The following ANKRD18A variants were observed in gnomAD, a reference collection of about 807,000 sequenced individuals.
ANKRD18A encodes ankyrin repeat domain 18A.
In ANKRD18A, 72 loss-of-function variants were observed where a neutral mutation model predicts 110.6. The ratio of observed to expected loss-of-function variants is 0.65; its 90% CI spans 0.54 to 0.79. ANKRD18A has a LOEUF of 0.79. Ranked by LOEUF, ANKRD18A falls within the 30% of genes least tolerant of loss-of-function variation. The pLI is 0.00. For synonymous variants in ANKRD18A, 305 were observed against 410.3 expected (o/e 0.74, Z 3.10); for missense variants, 934 against 1,163.3 (o/e 0.80, Z 2.87).
At chr9:38,572,307 A>T in intron 15 of ANKRD18A, 1 of 317,754 alleles carries the variant, frequency 3.1e-6, no homozygotes, top group South Asian at 4.3e-5. Flanking sequence ...TACTAGAGCC[A>T]GCACTGGAAT....
At chr9:38,591,807 G>C (rs1373503893) in intron 10 of ANKRD18A, among the ~76,000 whole-genome samples, 4 of 152,192 alleles carry the variant, frequency 2.6e-5, no homozygotes, top group Non-Finnish European at 4.4e-5. Flanking sequence ...GGATTGAGTA[G>C]TACATAACCG....
chr9:38,584,265 A>G (rs1015810721), intron 12 of ANKRD18A, among the ~76,000 whole-genome samples: 2 of 152,220 alleles, frequency 1.3e-5, no homozygotes, highest in Non-Finnish European at 2.9e-5. Context: ...AATACCTGCT[A>G]CAGCACAGAT....
chr9:38,569,118 C>A (rs183535510), downstream of ANKRD18A: 4 of 985,384 alleles, frequency 4.1e-6, no homozygotes, highest in African/African-American at 7.0e-5. Context: ...GATGCAGGAA[C>A]CAAGTAGGGC....
At chr9:38,573,653 T>A (rs530374310) in intron 15 of ANKRD18A, among the ~76,000 whole-genome samples, 2 of 151,904 alleles carry the variant, frequency 1.3e-5, no homozygotes, top group South Asian at 4.2e-4. Flanking sequence ...AGGTGGAGGT[T>A]GCAGTGAGCC....
At position 38,571,373 on chromosome 9, in the gene ANKRD18A, A is replaced by G. The variant is rs1340402101; in HGVS notation, c.*672T>C. 6.6e-6 allele frequency: 5 copies of G among 759,222 alleles called. No individual in the cohort carries two copies. Among genetic ancestry groups the G allele is most frequent in the Non-Finnish European group, 9.3e-6 (5 of 540,162 alleles). 47.0% of individuals were successfully genotyped at this position (759,222 alleles called of 1,614,324 possible). A position where few individuals can be genotyped will look rare whatever the true frequency, so the allele number is the denominator to read the frequency against. On this transcript the variant is annotated 3_prime_UTR_variant, in exon 16 of 16. Transcript: ENST00000399703. ...AATCATGAGCTTTCCCTTCTCCTTT[A>G]TTTATTGGTTTTATTTCTCCATGTA...
chr9:38,607,077 G>T (rs1235248900), intron 6 of ANKRD18A, among the ~76,000 whole-genome samples: 1 of 152,094 alleles, frequency 6.6e-6, no homozygotes, highest in East Asian at 1.9e-4. Flanking sequence ...TTTCTTTGGA[G>T]ATAGAGTCTT....
At chr9:38,592,642 C>A (rs866352440) in intron 10 of ANKRD18A, among the ~76,000 whole-genome samples, 11 of 152,024 alleles carry the variant, frequency 7.2e-5, no homozygotes, top group South Asian at 4.1e-4. Context: ...ATGTTTGCAA[C>A]AGCTGTTTTC....
intron 3 of ANKRD18A, among the ~76,000 whole-genome samples, chr9:38,612,038 A>G (rs561310713): frequency 3.3e-5 from 5 of 152,152 alleles, no homozygotes; most frequent in South Asian, 4.1e-4. Flanking sequence ...ATGTCTATCA[A>G]TGGTCTCAGG....
chr9:38,577,313 A>G (rs1405996607), intron 13 of ANKRD18A, 49 bp from the exon 14 acceptor site: 18 of 1,490,114 alleles, frequency 1.2e-5, no homozygotes, highest in Non-Finnish European at 1.6e-5. Context: ...TAAGTTAATT[A>G]CCATAGGTTT....
chr9:38,569,554 C>T, downstream of ANKRD18A: 1 of 615,624 alleles, frequency 1.6e-6, no homozygotes, highest in Non-Finnish European at 2.0e-6. Flanking sequence ...TGGGGTGACA[C>T]AACCCACCAC....
At position 38,615,781 on chromosome 9, in the gene ANKRD18A, A is replaced by AC. The variant is rs1825827268; in HGVS notation, c.322-15_322-14insG. ...GCTGTGTACAGCCTATTAGTGTTAGATAAAAAACTAGACTATAAATTCTAA... is the reference window on the plus strand; with the variant it reads ...GCTGTGTACAGCCTATTAGTGTTAGACTAAAAAACTAGACTATAAATTCTAA... On this transcript the variant is annotated splice_polypyrimidine_tract_variant and intron_variant, in intron 2 of 15. Transcript: ENST00000399703. The AC allele has an allele frequency of 1.9e-6, 3 of 1,605,844 alleles. No individual in the cohort carries two copies. In the East Asian group the frequency reaches 6.7e-5, roughly 36 times the overall value.
downstream of ANKRD18A, among the ~76,000 whole-genome samples, chr9:38,570,772 C>T (rs1220465599): frequency 2.6e-5 from 4 of 152,230 alleles, no homozygotes; most frequent in African/African-American, 7.2e-5. Context: ...AAGGCCTCTC[C>T]TCCAAGACAC....
At chr9:38,600,565 C>G (rs1219177572) in intron 8 of ANKRD18A, among the ~76,000 whole-genome samples, 2 of 152,030 alleles carry the variant, frequency 1.3e-5, no homozygotes, top group Non-Finnish European at 2.9e-5. Context: ...TTGTTTGCAC[C>G]CTGACACCAA....
chr9:38,610,705 C>T (rs1825579047), intron 4 of ANKRD18A, among the ~76,000 whole-genome samples: 2 of 152,122 alleles, frequency 1.3e-5, no homozygotes, highest in African/African-American at 4.8e-5. Context: ...GCTGAGGTCA[C>T]TTATCTAAAG....
intron 8 of ANKRD18A, among the ~76,000 whole-genome samples, chr9:38,598,197 A>G (rs1220732029): frequency 6.6e-6 from 1 of 152,238 alleles, no homozygotes; most frequent in Non-Finnish European, 1.5e-5. Flanking sequence ...CTTTAAATGA[A>G]TACAGAAAAA....
downstream of ANKRD18A, among the ~76,000 whole-genome samples, chr9:38,569,856 C>G (rs1283986701): frequency 3.0e-4 from 46 of 151,998 alleles, no homozygotes; most frequent in Non-Finnish European, 1.5e-5. Context: ...GGAGGGGTGC[C>G]GAGCAGAGCA....
downstream of ANKRD18A, chr9:38,568,909 G>T: frequency 1.0e-6 from 1 of 985,440 alleles, no homozygotes; most frequent in Non-Finnish European, 1.2e-6. Context: ...CCACAGGTTG[G>T]ATGACAAGAT....
At chr9:38,577,015 G>A (rs776566907) in intron 14 of ANKRD18A, 38 bp downstream of exon 14, 14 of 1,520,232 alleles carry the variant, frequency 9.2e-6, no homozygotes, top group Middle Eastern at 2.3e-4. Context: ...AAATTAATGA[G>A]CTGAATTCAT....
At chr9:38,574,185 T>C (rs1357747705) in intron 15 of ANKRD18A, among the ~76,000 whole-genome samples, 10 of 152,220 alleles carry the variant, frequency 6.6e-5, no homozygotes, top group African/African-American at 2.4e-4. Context: ...TTAGTTTCCT[T>C]AGGATAGTGG....
Sources: gnomAD v4.1 joint callset for allele counts (sites outside exome capture counted in the v4.1 genomes callset) on GRCh38, gnomAD v4.1.1 for gene constraint, MANE v1.5 for transcripts, NCBI Gene and HGNC (gene_info 2026-07-23, HGNC 2026-07-21) for gene names.